The following ZDHHC1 variants were observed in gnomAD, a reference collection of about 807,000 sequenced individuals.
The protein encoded by ZDHHC1 is palmitoyltransferase ZDHHC1.
In ZDHHC1, 45 loss-of-function variants were observed where a neutral mutation model predicts 46.9. The ratio of observed to expected loss-of-function variants is 0.96; its 90% CI spans 0.76 to 1.23. The LOEUF (loss-of-function observed/expected upper bound fraction) is 1.23. ZDHHC1 is among the 50% of genes most tolerant of loss of function. The probability of loss-of-function intolerance (pLI) is 0.00; values close to 1 mark genes in which losing one functional copy is unlikely to be tolerated. For synonymous variants in ZDHHC1, 291 were observed against 286.0 expected (o/e 1.02, Z -0.18); for missense variants, 649 against 670.8 (o/e 0.97, Z 0.36).
intron 8 of ZDHHC1, 68 bp downstream of exon 8, chr16:67,398,144 C>A (rs950447604): frequency 1.3e-6 from 2 of 1,502,932 alleles, no homozygotes; most frequent in East Asian, 4.5e-5. Flanking sequence ...TGTCTCCTCA[C>A]TGGCTGCTCG....
chr16:67,410,919 C>T (rs1026070573), intron 1 of ZDHHC1, among the ~76,000 whole-genome samples: 1 of 152,096 alleles, frequency 6.6e-6, no homozygotes, highest in African/African-American at 2.4e-5. Flanking sequence ...CCACTCAGCT[C>T]GGCCTCCCAA....
At chr16:67,397,591 C>T (rs1216606531) in intron 8 of ZDHHC1, among the ~76,000 whole-genome samples, 2 of 152,196 alleles carry the variant, frequency 1.3e-5, no homozygotes, top group East Asian at 1.9e-4. Flanking sequence ...AAAGCCTGCC[C>T]GGGCCCCGCC....
At position 67,394,648 on chromosome 16, in the gene ZDHHC1, G is replaced by A; in HGVS notation, c.1411C>T (p.Pro471Ser). 3 of 1,218,484 alleles carry A rather than the reference G, an allele frequency of 2.5e-6. No homozygotes were observed. Among genetic ancestry groups the A allele is most frequent in the Admixed American group, 4.2e-5 (1 of 23,700 alleles). The allele number at this position is 1,218,484 out of a possible 1,614,324, so 75.5% of individuals were successfully genotyped here. A position where few individuals can be genotyped will look rare whatever the true frequency, so the allele number is the denominator to read the frequency against. The change falls in exon 12 of 12, where the codon CCC becomes TCC. Residue 471 changes from proline to serine, a missense_variant. Pro to Ser is a moderately conservative substitution (Grantham distance 74). Transcript: ENST00000565726. ...GCCTCCCGGCCGCCCGGCGCCCTGG[G>A]CTCGCCGCTGCTCGGGCTCACGAAA... ...AVFVSPSSGE[P>S]RAPGGREAGL...
intron 3 of ZDHHC1, among the ~76,000 whole-genome samples, chr16:67,405,608 C>T (rs1276820715): frequency 6.6e-6 from 1 of 152,170 alleles, no homozygotes; most frequent in Admixed American, 6.5e-5. Flanking sequence ...TGGGCTCAGG[C>T]GAGTCTCGGT....
At chr16:67,410,642 TTAATTATTA>T (rs966176009) in intron 1 of ZDHHC1, among the ~76,000 whole-genome samples, 15 of 136,830 alleles carry the variant, frequency 1.1e-4, no homozygotes, top group African/African-American at 4.3e-4. Flanking sequence ...GCTACCTTAA[TTAATTATTA>T]TTATTATTAT....
Position 67,401,030 on chromosome 16 carries a change from G to T in ZDHHC1, c.355C>A (p.Leu119Met), listed in dbSNP as rs146310360. 9 of 1,614,186 alleles carry T rather than the reference G, an allele frequency of 5.6e-6. No homozygotes were observed. In the South Asian group the frequency reaches 9.9e-5, roughly 18 times the overall value. ...TGCTGGCTTCGGTTGAAGATGGGCA[G>T]GGGCCCCGCATAGCTCTTGTCCCGC... ...NVRDKSYAGPLPIFNRSQHAH... is the reference protein window; with the variant it reads ...NVRDKSYAGPMPIFNRSQHAH... The change falls in exon 4 of 12, where the codon CTG becomes ATG. Residue 119 changes from leucine to methionine, a missense_variant. By Grantham distance (15) the Leu-to-Met change is conservative (BLOSUM62 2). Coordinates refer to ENST00000565726, the MANE Select transcript of ZDHHC1 (RefSeq NM_001323627.2). This position sits in a 1 kb window ranked among gnomAD's most constrained non-coding sequence, Gnocchi z 4.6.
intron 1 of ZDHHC1, among the ~76,000 whole-genome samples, chr16:67,413,712 G>C (rs1597552259): frequency 6.6e-6 from 1 of 152,142 alleles, no homozygotes; most frequent in East Asian, 1.9e-4. Context: ...AGCCGAGGCG[G>C]GCAGATCACC....
chr16:67,394,825 C>G lies in ZDHHC1; in HGVS notation c.1234G>C (p.Ala412Pro). Residue 412 changes from alanine to proline, a missense_variant, in exon 12 of 12, where the codon GCT becomes CCT. Transcript: ENST00000565726. Reference sequence around the variant, plus strand: ...GAGTGGTAGGCGCCGGCAGGGCCAGCGGCGTGCACAGGGCTGGCGTCCGCG... The same window carrying G: ...GAGTGGTAGGCGCCGGCAGGGCCAGGGGCGTGCACAGGGCTGGCGTCCGCG... ...DSADASPVHA[A>P]GPAGAYHSAS... 1 of 1,542,400 alleles carries G rather than the reference C, an allele frequency of 6.5e-7. No individual in the cohort carries two copies.
Position 67,398,826 on chromosome 16 carries a change from A to AGTGTCGGTTGGTGCGCAGACGCATG in ZDHHC1, c.624_648dup (p.Phe217HisfsTer10). On this transcript the variant is annotated frameshift_variant, in exon 6 of 12. Transcript: ENST00000565726. LOFTEE classifies it high-confidence loss of function. ...GCCCGGAGCCTAAACTGACCTTCAA[A>AGTGTCGGTTGGTGCGCAGACGCATG]GTGTCGGTTGGTGCGCAGACGCATG... The AGTGTCGGTTGGTGCGCAGACGCATG allele has an allele frequency of 1.2e-6, 2 of 1,612,868 alleles. No homozygotes were observed. Among genetic ancestry groups the AGTGTCGGTTGGTGCGCAGACGCATG allele is most frequent in the Non-Finnish European group, 1.7e-6 (2 of 1,179,518 alleles).
Position 67,397,908 on chromosome 16 carries a change from G to A in ZDHHC1, c.927+304C>T, listed in dbSNP as rs1245076041. On this transcript the variant is annotated intron_variant, in intron 8 of 11. Coordinates refer to ENST00000565726, the MANE Select transcript of ZDHHC1 (RefSeq NM_001323627.2). ...GCCACCCATCACTGACCCCGTCGCT[G>A]GTCCATCCCTCTCTCTCCTGCTGCA... Among the ~76,000 whole-genome samples the A allele has an allele frequency of 2.6e-5, 4 of 152,312 alleles. No individual in the cohort carries two copies. In the East Asian group the frequency reaches 7.7e-4, roughly 29 times the overall value.
chr16:67,399,238 G>C (rs767820803), intron 5 of ZDHHC1, 117 bp downstream of exon 5: 1 of 970,830 alleles, frequency 1.0e-6, no homozygotes, highest in Non-Finnish European at 1.5e-6. Context: ...CATAAAACGG[G>C]CACAGGTCCT....
At position 67,399,463 on chromosome 16, in the gene ZDHHC1, G is replaced by A. The variant is rs757853914; in HGVS notation, c.429-7C>T. ...GTGCTTGGAGCGAGCGCTCCTGCAG[G>A]GAGAGGGGGCACAGCGCGATTGGCC... On this transcript the variant is annotated splice_polypyrimidine_tract_variant and splice_region_variant and intron_variant, in intron 4 of 11. Transcript: ENST00000565726. The A allele has an allele frequency of 6.2e-7, 1 of 1,606,290 alleles. No homozygotes were observed. The highest frequency in any genetic ancestry group is 8.5e-7 in the Non-Finnish European group (1 of 1,175,202).
chr16:67,412,991 C>T (rs1228612551), intron 1 of ZDHHC1, among the ~76,000 whole-genome samples: 5 of 151,890 alleles, frequency 3.3e-5, no homozygotes, highest in Admixed American at 1.3e-4. Flanking sequence ...TTAATAGAGA[C>T]GGGGTTTCAC....
chr16:67,416,356 G>T lies in ZDHHC1; in HGVS notation c.-224C>A. Reference sequence around the variant, plus strand: ...CCCATCCCGGACGGAGACTGGGCCGGTGAGTCCTCGAGCTCTGGCTCTGGC... The same window carrying T: ...CCCATCCCGGACGGAGACTGGGCCGTTGAGTCCTCGAGCTCTGGCTCTGGC... On this transcript the variant is annotated 5_prime_UTR_variant, in exon 1 of 12. Transcript: ENST00000565726. The T allele has an allele frequency of 5.3e-6, 1 of 188,526 alleles. No homozygotes were observed. The allele number at this position is 188,526 out of a possible 1,614,324, so 11.7% of individuals were successfully genotyped here. A position where few individuals can be genotyped will look rare whatever the true frequency, so the allele number is the denominator to read the frequency against.
rs761738726 is a variant in ZDHHC1, at chr16:67,394,793, C to CGACGCCGAGTGGTA, written c.1252_1265dup (p.Ala423ThrfsTer47). The CGACGCCGAGTGGTA allele has an allele frequency of 4.6e-6, 7 of 1,535,434 alleles. No individual in the cohort carries two copies. In the African/African-American group the frequency reaches 9.6e-5, roughly 21 times the overall value. ...CTGGAATCTCGTCCACGGACTCTGC[C>CGACGCCGAGTGGTA]GACGCCGAGTGGTAGGCGCCGGCAG... On this transcript the variant is annotated frameshift_variant, in exon 12 of 12. Coordinates refer to ENST00000565726, the MANE Select transcript of ZDHHC1 (RefSeq NM_001323627.2). LOFTEE classifies it low-confidence loss of function (END_TRUNC).
intron 8 of ZDHHC1, 186 bp from the exon 9 acceptor site, chr16:67,395,752 C>T: frequency 1.6e-6 from 1 of 623,066 alleles, no homozygotes; most frequent in Non-Finnish European, 2.8e-6. Flanking sequence ...ATTTCTGGCC[C>T]TTGCCCCATC....
chr16:67,394,710 T>A lies in ZDHHC1; in HGVS notation c.1349A>T (p.Gln450Leu). 1 of 1,339,052 alleles carries A rather than the reference T, an allele frequency of 7.5e-7. No homozygotes were observed. Among genetic ancestry groups the A allele is most frequent in the Non-Finnish European group, 9.5e-7 (1 of 1,050,736 alleles). 82.9% of individuals were successfully genotyped at this position (1,339,052 alleles called of 1,614,324 possible). A position where few individuals can be genotyped will look rare whatever the true frequency, so the allele number is the denominator to read the frequency against. Residue 450 changes from glutamine (Q) to leucine (L), a missense_variant, in exon 12 of 12, where the codon CAG becomes CTG. By Grantham distance (113) the Gln-to-Leu change is moderately radical (BLOSUM62 -2). Coordinates refer to ENST00000565726, the MANE Select transcript of ZDHHC1 (RefSeq NM_001323627.2). Reference sequence around the variant, plus strand: ...ACGCGCCTGCCGCGCCAGCGTGGGCTGTCGGCCCCGGCCCCGCGGGGCGGC... The same window carrying A: ...ACGCGCCTGCCGCGCCAGCGTGGGCAGTCGGCCCCGGCCCCGCGGGGCGGC... ...ALAAPRGRGR[Q>L]PTLARQARAP...
chr16:67,409,021 A>C (rs1436432410), intron 1 of ZDHHC1, among the ~76,000 whole-genome samples: 3 of 152,106 alleles, frequency 2.0e-5, no homozygotes, highest in South Asian at 2.1e-4. Context: ...GCCATCCCCA[A>C]ACCTGAACAA....
chr16:67,415,606 A>G (rs2040820933), intron 1 of ZDHHC1, among the ~76,000 whole-genome samples: 1 of 151,818 alleles, frequency 6.6e-6, no homozygotes, highest in Non-Finnish European at 1.5e-5. Flanking sequence ...AAAATATAAA[A>G]CTTAGCCGGG....
Sources: allele counts gnomAD v4.1 joint callset (sites outside exome capture counted in the v4.1 genomes callset), GRCh38; gene constraint gnomAD v4.1.1; non-coding constraint Gnocchi (gnomAD v3.1); transcripts MANE v1.5; gene names NCBI Gene and HGNC (gene_info 2026-07-23, HGNC 2026-07-21).